The following CTNND2 variants were observed in gnomAD, a reference collection of about 807,000 sequenced individuals.
CTNND2 encodes catenin delta-2.
CTNND2 carries 22 observed loss-of-function variants against 144.4 expected under a neutral mutation model. The ratio of observed to expected loss-of-function variants is 0.15; its 90% CI spans 0.11 to 0.22. The LOEUF is 0.22. Among genes scored for constraint, CTNND2 ranks in the 10% least tolerant of loss-of-function variants. The probability of loss-of-function intolerance (pLI) is 1.00; values close to 1 mark genes in which losing one functional copy is unlikely to be tolerated. For synonymous variants in CTNND2, 751 were observed against 695.6 expected (o/e 1.08, Z -1.25); for missense variants, 1,353 against 1,618.8 (o/e 0.84, Z 2.82).
chr5:11,762,991 G>C (rs1789361761), intron 1 of CTNND2, among the ~76,000 whole-genome samples: 1 of 152,140 alleles, frequency 6.6e-6, no homozygotes, highest in African/African-American at 2.4e-5. Flanking sequence ...GTGTTGGGGT[G>C]GATCTGAGTA....
intron 2 of CTNND2, among the ~76,000 whole-genome samples, chr5:11,674,360 T>C (rs928016879): frequency 1.3e-5 from 2 of 152,210 alleles, no homozygotes; most frequent in African/African-American, 2.4e-5. Flanking sequence ...TCACTTAACT[T>C]ATTAATTTTA....
chr5:11,873,248 C>G (rs1156660914), intron 1 of CTNND2, among the ~76,000 whole-genome samples: 1 of 152,152 alleles, frequency 6.6e-6, no homozygotes, highest in Non-Finnish European at 1.5e-5. Context: ...GTGTTTATGG[C>G]AGAGCACATT....
intron 3 of CTNND2, among the ~76,000 whole-genome samples, chr5:11,468,340 A>G (rs61757522): frequency 6.6e-6 from 1 of 152,240 alleles, no homozygotes; most frequent in Non-Finnish European, 1.5e-5. Flanking sequence ...TGTAATCATA[A>G]AACAGAAAAT....
rs532777209 is a variant in CTNND2 at position 11,191,331 on chromosome 5, G to A, written c.1975+8117C>T. ...AGGAAAACCTGCTAACAAACCACAG[G>A]ACAGTGGAAGGCTTGTCACGGGACA... On this transcript the variant is annotated intron_variant, in intron 11 of 21. Coordinates refer to ENST00000304623, the MANE Select transcript of CTNND2 (RefSeq NM_001332.4). 2.6e-5 allele frequency among the ~76,000 whole-genome samples: 4 copies of A among 152,294 alleles called. No individual in the cohort carries two copies. In the East Asian group the frequency reaches 7.7e-4, roughly 29 times the overall value.
At chr5:11,467,773 G>T (rs976918576) in intron 3 of CTNND2, among the ~76,000 whole-genome samples, 1 of 152,168 alleles carries the variant, frequency 6.6e-6, no homozygotes, top group Non-Finnish European at 1.5e-5. Flanking sequence ...TAACCACTTA[G>T]CTGTGTTGTG....
chr5:11,095,019 T>C (rs1225225789), intron 15 of CTNND2, among the ~76,000 whole-genome samples: 1 of 152,224 alleles, frequency 6.6e-6, no homozygotes, highest in Non-Finnish European at 1.5e-5. Context: ...TAAGAGGCTA[T>C]TGCCAGAAAA....
intron 2 of CTNND2, among the ~76,000 whole-genome samples, chr5:11,681,250 G>C (rs938586979): frequency 6.6e-6 from 1 of 152,176 alleles, no homozygotes; most frequent in African/African-American, 2.4e-5. Flanking sequence ...AGGATGGAGT[G>C]TTCAACAGTT....
chr5:11,872,421 A>C (rs1735210250), intron 1 of CTNND2, among the ~76,000 whole-genome samples: 1 of 152,196 alleles, frequency 6.6e-6, no homozygotes, highest in Non-Finnish European at 1.5e-5. Context: ...GCTGCATCAA[A>C]TGGTATTTCT....
chr5:11,884,316 C>T (rs1736354823), intron 1 of CTNND2, among the ~76,000 whole-genome samples: 1 of 152,106 alleles, frequency 6.6e-6, no homozygotes, highest in African/African-American at 2.4e-5. Flanking sequence ...TTAGGTCCTA[C>T]GTTTCAGTCT....
intron 16 of CTNND2, among the ~76,000 whole-genome samples, chr5:11,067,416 C>T (rs763651449): frequency 3.9e-5 from 6 of 152,202 alleles, no homozygotes; most frequent in Admixed American, 1.3e-4. Flanking sequence ...ACTTTCCTTA[C>T]TCAACCCACA....
intron 3 of CTNND2, among the ~76,000 whole-genome samples, chr5:11,431,515 A>C (rs1054886323): frequency 1.3e-5 from 2 of 152,190 alleles, no homozygotes; most frequent in Admixed American, 1.3e-4. Context: ...AAGGCTTAAG[A>C]GATCAACAGC....
intron 3 of CTNND2, among the ~76,000 whole-genome samples, chr5:11,449,240 G>A (rs1243468154): frequency 2.0e-5 from 3 of 152,110 alleles, no homozygotes; most frequent in African/African-American, 4.8e-5. Flanking sequence ...AGATATAAAT[G>A]TCTATAAGAG....
chr5:11,451,476 T>C (rs1765312662), intron 3 of CTNND2, among the ~76,000 whole-genome samples: 1 of 152,134 alleles, frequency 6.6e-6, no homozygotes, highest in African/African-American at 2.4e-5. Context: ...AAATCCAAAA[T>C]CTGAAATGCT....
intron 20 of CTNND2, among the ~76,000 whole-genome samples, chr5:10,982,462 G>A (rs921436351): frequency 6.6e-6 from 1 of 152,304 alleles, no homozygotes; most frequent in Non-Finnish European, 1.5e-5. Flanking sequence ...TCCTCTAGTT[G>A]CCAGCAGCTT....
chr5:11,314,255 T>A (rs956380223), intron 9 of CTNND2, among the ~76,000 whole-genome samples: 5 of 152,154 alleles, frequency 3.3e-5, no homozygotes, highest in Non-Finnish European at 5.9e-5. Flanking sequence ...CTTGATCATT[T>A]CTCGTTCTTT....
chr5:11,643,257 A>G (rs151128545), intron 2 of CTNND2, among the ~76,000 whole-genome samples: 2,714 of 151,798 alleles, frequency 0.018, 50 homozygotes, highest in Non-Finnish European at 0.021. Context: ...TATTATACTT[A>G]AAGTTTTAGG....
intron 15 of CTNND2, among the ~76,000 whole-genome samples, chr5:11,094,628 C>G (rs2973512): frequency 2.0e-5 from 3 of 151,800 alleles, no homozygotes; most frequent in Admixed American, 2.0e-4. Flanking sequence ...TACAGGCACA[C>G]GCCACCATGC....
intron 3 of CTNND2, among the ~76,000 whole-genome samples, chr5:11,510,027 G>T (rs527316347): frequency 6.6e-6 from 1 of 152,248 alleles, no homozygotes; most frequent in Non-Finnish European, 1.5e-5. Context: ...AACCTCCTGG[G>T]CTCAAGCGAT....
chr5:11,436,188 A>G (rs1308722609), intron 3 of CTNND2, among the ~76,000 whole-genome samples: 1 of 152,098 alleles, frequency 6.6e-6, no homozygotes, highest in African/African-American at 2.4e-5. Flanking sequence ...GAAGAACACC[A>G]GTGGGCAACA....
Sources: gnomAD v4.1 joint callset for allele counts (sites outside exome capture counted in the v4.1 genomes callset) on GRCh38, gnomAD v4.1.1 for gene constraint, MANE v1.5 for transcripts, NCBI Gene and HGNC (gene_info 2026-07-23, HGNC 2026-07-21) for gene names.